Variants in UBAP1 observed in about 807,000 individuals in gnomAD.
UBAP1 encodes ubiquitin-associated protein 1.
UBAP1 carries 5 observed loss-of-function variants against 39.0 expected under a neutral mutation model. That is an observed-to-expected ratio of 0.13 (90% CI 0.07 to 0.27). UBAP1 has a LOEUF of 0.27. Ranked by LOEUF, UBAP1 falls within the 10% of genes least tolerant of loss-of-function variation. UBAP1 has a pLI of 1.00. For synonymous variants in UBAP1, 211 were observed against 225.1 expected (o/e 0.94, Z 0.56); for missense variants, 490 against 608.1 (o/e 0.81, Z 2.04).
At chr9:34,231,388 G>T (rs907129896) in intron 2 of UBAP1, among the ~76,000 whole-genome samples, 2 of 151,478 alleles carry the variant, frequency 1.3e-5, no homozygotes, top group South Asian at 4.2e-4. Context: ...CTAATTTCTT[G>T]TATTTTTAGT....
intron 1 of UBAP1, among the ~76,000 whole-genome samples, chr9:34,219,380 G>A (rs1832532036): frequency 6.6e-6 from 1 of 152,044 alleles, no homozygotes; most frequent in African/African-American, 2.4e-5. Context: ...AAGTCACCAC[G>A]CCTGGCTGAA....
At chr9:34,206,465 G>A (rs1209828057) in intron 1 of UBAP1, among the ~76,000 whole-genome samples, 2 of 151,968 alleles carry the variant, frequency 1.3e-5, no homozygotes, top group Non-Finnish European at 2.9e-5. Flanking sequence ...AGTCAAGATT[G>A]TGCCACTGCA....
At chr9:34,235,331 G>A (rs10972012) in intron 3 of UBAP1, among the ~76,000 whole-genome samples, 30,637 of 145,086 alleles carry the variant, frequency 0.21, 3,297 homozygotes, top group East Asian at 0.46. Context: ...GTGTGTGTGT[G>A]TATATATATA....
intron 1 of UBAP1, among the ~76,000 whole-genome samples, chr9:34,197,584 C>G (rs1009213684): frequency 1.3e-5 from 2 of 151,922 alleles, no homozygotes; most frequent in Non-Finnish European, 2.9e-5. Flanking sequence ...GATTTTTGCT[C>G]TGTCATCTAG....
Position 34,241,978 on chromosome 9 carries a change from C to T in UBAP1, c.953C>T (p.Thr318Ile), listed in dbSNP as rs775364956. 2 of 1,614,184 alleles carry T rather than the reference C, an allele frequency of 1.2e-6. No individual in the cohort carries two copies. The highest frequency in any genetic ancestry group is 1.7e-6 in the Non-Finnish European group (2 of 1,180,036). ...SSASELNGHH[T>I]LGLSALNLDS... The stretch of plus-strand genomic sequence containing the variant: ...GCCAGTGAGCTCAATGGGCATCACA[C>T]TCTTGGGCTTTCAGCTTTGAACTTG... The change falls in exon 4 of 7, where the codon ACT (threonine) becomes ATT (isoleucine). Residue 318 changes from threonine to isoleucine, a missense_variant. Physicochemically the swap from Thr to Ile is moderately conservative, Grantham distance 89 (BLOSUM62 -1). Around this residue, in one of 3 missense-constraint regions of UBAP1, gnomAD observed 339 missense variants for 390.0 expected, o/e 0.87. Coordinates refer to ENST00000297661, the MANE Select transcript of UBAP1 (RefSeq NM_016525.5).
chr9:34,180,480 C>T (rs1287037014), intron 1 of UBAP1, among the ~76,000 whole-genome samples: 1 of 151,240 alleles, frequency 6.6e-6, no homozygotes, highest in Admixed American at 6.6e-5. Flanking sequence ...TGCACTCCAG[C>T]CTGGGCAACA....
intron 1 of UBAP1, among the ~76,000 whole-genome samples, chr9:34,205,825 C>G (rs1386113867): frequency 6.6e-6 from 1 of 152,112 alleles, no homozygotes; most frequent in East Asian, 1.9e-4. Context: ...AACCCCGTCT[C>G]TACTAAAAAT....
At chr9:34,224,271 C>A in intron 2 of UBAP1, 1 of 472,358 alleles carries the variant, frequency 2.1e-6, no homozygotes, top group South Asian at 4.0e-5. Flanking sequence ...TAGTGGGACT[C>A]GTACCACTGT....
intron 3 of UBAP1, among the ~76,000 whole-genome samples, chr9:34,239,042 T>G (rs1833834732): frequency 6.6e-6 from 1 of 152,236 alleles, no homozygotes; most frequent in Non-Finnish European, 1.5e-5. Flanking sequence ...TGTTCTCTAA[T>G]GCACAAAGCA....
intron 2 of UBAP1, among the ~76,000 whole-genome samples, chr9:34,224,926 C>T (rs79876776): frequency 0.025 from 3,819 of 152,194 alleles, 119 homozygotes; most frequent in East Asian, 0.15. Context: ...CTTTCTTGGC[C>T]TAATAGTGTA....
At chr9:34,249,127 CTAG>C (rs1219163036) in intron 4 of UBAP1, among the ~76,000 whole-genome samples, 4 of 152,086 alleles carry the variant, frequency 2.6e-5, no homozygotes, top group African/African-American at 9.7e-5. Context: ...CCTGGTGTGG[CTAG>C]TATGCCTTCT....
intron 4 of UBAP1, among the ~76,000 whole-genome samples, chr9:34,249,194 T>G (rs1201604816): frequency 6.6e-6 from 1 of 152,036 alleles, no homozygotes; most frequent in Non-Finnish European, 1.5e-5. Flanking sequence ...CAGTACATGA[T>G]GTAGGGCAAA....
At chr9:34,235,001 T>C (rs929094615) in intron 3 of UBAP1, among the ~76,000 whole-genome samples, 1 of 152,046 alleles carries the variant, frequency 6.6e-6, no homozygotes, top group African/African-American at 2.4e-5. Flanking sequence ...TGAAACAAGA[T>C]GGGAAGGTGG....
chr9:34,206,300 C>A (rs1327330546), intron 1 of UBAP1: 1 of 152,018 alleles, frequency 6.6e-6, no homozygotes, highest in African/African-American at 2.4e-5. Context: ...TTTGGTAAAA[C>A]CTCATTTGAA....
At chr9:34,229,742 T>C (rs1014500606) in intron 2 of UBAP1, among the ~76,000 whole-genome samples, 1 of 152,106 alleles carries the variant, frequency 6.6e-6, no homozygotes, top group Admixed American at 6.5e-5. Context: ...TTTCACCATG[T>C]TGGCCAGGAT....
chr9:34,211,904 A>G lies in UBAP1; in HGVS notation c.-7-9004A>G, dbSNP rs865991935. On this transcript the variant is annotated intron_variant, in intron 1 of 6. Transcript: ENST00000297661. ...TTAAGTTACCGGGTTTTCTTCCTGT[A>G]GCATTTGAACTGAAGTGATACTGAG... 1.2e-4 allele frequency: 30 copies of G among 255,078 alleles called. No homozygotes were observed. In the Middle Eastern group the frequency reaches 3.5e-3, roughly 29 times the overall value. The allele number at this position is 255,078 out of a possible 1,614,324, so 15.8% of individuals were successfully genotyped here.
chr9:34,251,611 A>G lies in UBAP1; in HGVS notation c.*79A>G. 6.6e-7 allele frequency: 1 copy of G among 1,507,044 alleles called. No individual in the cohort carries two copies. Among genetic ancestry groups the G allele is most frequent in the Non-Finnish European group, 8.9e-7 (1 of 1,120,562 alleles). 93.4% of individuals were successfully genotyped at this position (1,507,044 alleles called of 1,614,324 possible). The stretch of plus-strand genomic sequence containing the variant: ...CAGAGCCCACCTGTGGGGAAAGAGA[A>G]GGGGCAGCTTCCGGATTTTCTTTTG... On this transcript the variant is annotated 3_prime_UTR_variant, in exon 7 of 7. Transcript: ENST00000297661.
intron 1 of UBAP1, among the ~76,000 whole-genome samples, chr9:34,215,731 A>G (rs1423374594): frequency 6.6e-6 from 1 of 151,968 alleles, no homozygotes; most frequent in Non-Finnish European, 1.5e-5. Context: ...TATTGGTGAA[A>G]CGTGTGTACA....
chr9:34,240,425 T>C (rs1587877453), intron 3 of UBAP1, among the ~76,000 whole-genome samples: 1 of 152,218 alleles, frequency 6.6e-6, no homozygotes, highest in South Asian at 2.1e-4. Flanking sequence ...AGATACTGTT[T>C]AGCTCTAGTG....
Sources: allele counts gnomAD v4.1 joint callset (sites outside exome capture counted in the v4.1 genomes callset), GRCh38; gene constraint gnomAD v4.1.1; regional missense constraint gnomAD v4.1.1; transcripts MANE v1.5; gene names NCBI Gene and HGNC (gene_info 2026-07-23, HGNC 2026-07-21).